The following MAGI1 variants were observed in gnomAD, a reference collection of about 807,000 sequenced individuals.
MAGI1 encodes the protein membrane-associated guanylate kinase, WW and PDZ domain-containing protein 1.
In MAGI1, 58 loss-of-function variants were observed where a neutral mutation model predicts 139.9. That is an observed-to-expected ratio of 0.41 (90% CI 0.34 to 0.52). MAGI1 has a LOEUF of 0.52. Among genes scored for constraint, MAGI1 ranks in the 20% least tolerant of loss-of-function variants. The pLI is 0.12. For missense variants in MAGI1, 1,874 were observed against 1,901.6 expected, an observed-to-expected ratio of 0.99 and a Z score of 0.27; for synonymous variants, 812 against 737.9, an observed-to-expected ratio of 1.10 and a Z score of -1.63.
At chr3:65,838,890 T>A (rs1575661085) in intron 1 of MAGI1, among the ~76,000 whole-genome samples, 1 of 152,362 alleles carries the variant, frequency 6.6e-6, no homozygotes, top group East Asian at 1.9e-4. Flanking sequence ...CAGGATTTGG[T>A]GTTGCCACTA....
At chr3:65,850,368 T>C (rs750634797) in intron 1 of MAGI1, among the ~76,000 whole-genome samples, 1 of 152,174 alleles carries the variant, frequency 6.6e-6, no homozygotes, top group Non-Finnish European at 1.5e-5. Context: ...CGGCGCTTTC[T>C]GGGTTTTAAA....
At chr3:65,432,352 C>G (rs1411016724) in intron 10 of MAGI1, among the ~76,000 whole-genome samples, 1 of 152,130 alleles carries the variant, frequency 6.6e-6, no homozygotes, top group Non-Finnish European at 1.5e-5. Context: ...AAGAGGGAGA[C>G]ATTAGTCCCC....
intron 1 of MAGI1, among the ~76,000 whole-genome samples, chr3:66,002,652 T>C (rs2107453183): frequency 6.6e-6 from 1 of 152,158 alleles, no homozygotes; most frequent in East Asian, 1.9e-4. Context: ...GTAGCTGGGA[T>C]CACAGGCACC....
intron 1 of MAGI1, among the ~76,000 whole-genome samples, chr3:65,937,696 T>A (rs948662007): frequency 2.6e-5 from 4 of 152,012 alleles, no homozygotes; most frequent in Non-Finnish European, 5.9e-5. Context: ...TTTTGGGGTT[T>A]TTTTAGTTAC....
chr3:65,435,539 T>C (rs1947787481), intron 10 of MAGI1, among the ~76,000 whole-genome samples: 2 of 152,020 alleles, frequency 1.3e-5, no homozygotes, highest in African/African-American at 4.8e-5. Context: ...AATAATAATG[T>C]CATCAGAAAA....
At chr3:65,845,686 A>T (rs896419094) in intron 1 of MAGI1, among the ~76,000 whole-genome samples, 1 of 152,226 alleles carries the variant, frequency 6.6e-6, no homozygotes, top group African/African-American at 2.4e-5. Context: ...GCCAGACTGA[A>T]GAACTTGATG....
At chr3:65,864,866 T>C (rs2059668618) in intron 1 of MAGI1, among the ~76,000 whole-genome samples, 1 of 152,206 alleles carries the variant, frequency 6.6e-6, no homozygotes, top group East Asian at 1.9e-4. Flanking sequence ...GGAAAATCAA[T>C]ATTTTTAAAG....
intron 1 of MAGI1, among the ~76,000 whole-genome samples, chr3:65,812,468 T>TCACACACACACACACACA (rs1553711393): frequency 1.8e-4 from 16 of 89,146 alleles, no homozygotes; most frequent in African/African-American, 4.5e-4. Context: ...TCTCTCTCTC[T>TCACACACACACACACACA]CACACACACA....
intron 1 of MAGI1, among the ~76,000 whole-genome samples, chr3:65,657,662 A>AT (rs1559760519): frequency 2.0e-5 from 3 of 152,070 alleles, no homozygotes; most frequent in Middle Eastern, 3.4e-3. Flanking sequence ...TTTAAAAGAA[A>AT]TTTTTTTTGT....
intron 1 of MAGI1, among the ~76,000 whole-genome samples, chr3:65,999,520 G>C (rs927545295): frequency 6.6e-6 from 1 of 152,104 alleles, no homozygotes; most frequent in Non-Finnish European, 1.5e-5. Context: ...AGAGTCTTCA[G>C]GCCTTATGGC....
At chr3:65,785,747 T>A (rs929457971) in intron 1 of MAGI1, among the ~76,000 whole-genome samples, 1 of 152,152 alleles carries the variant, frequency 6.6e-6, no homozygotes, top group Non-Finnish European at 1.5e-5. Context: ...TTCTTAAATT[T>A]CAGAAAAAAT....
At chr3:65,731,725 A>T (rs2034218345) in intron 1 of MAGI1, among the ~76,000 whole-genome samples, 1 of 151,916 alleles carries the variant, frequency 6.6e-6, no homozygotes. Flanking sequence ...AGGCATTTTT[A>T]GTGCTTTAAA....
chr3:65,803,813 C>T (rs72894137), intron 1 of MAGI1, among the ~76,000 whole-genome samples: 11,930 of 152,096 alleles, frequency 0.078, 786 homozygotes, highest in African/African-American at 0.18. Flanking sequence ...GTGCTGGAGG[C>T]CATTATGCTT....
At chr3:65,378,231 C>T (rs974476066) in intron 17 of MAGI1, among the ~76,000 whole-genome samples, 1 of 152,130 alleles carries the variant, frequency 6.6e-6, no homozygotes, top group African/African-American at 2.4e-5. Flanking sequence ...TTGGTCTTTG[C>T]TAGTGTACCC....
intron 1 of MAGI1, among the ~76,000 whole-genome samples, chr3:66,005,711 A>G (rs58592817): frequency 0.18 from 27,957 of 152,130 alleles, 3,862 homozygotes; most frequent in African/African-American, 0.38. Flanking sequence ...CAAGGAAAGA[A>G]GATGACACAA....
At chr3:65,727,580 T>C (rs2033755054) in intron 1 of MAGI1, among the ~76,000 whole-genome samples, 1 of 152,192 alleles carries the variant, frequency 6.6e-6, no homozygotes, top group Non-Finnish European at 1.5e-5. Context: ...TATTTTATGA[T>C]AAACTGAATG....
chr3:65,550,636 A>T (rs147633006), intron 2 of MAGI1, among the ~76,000 whole-genome samples: 328 of 152,276 alleles, frequency 2.2e-3, no homozygotes, highest in African/African-American at 7.5e-3. Flanking sequence ...GGCCCCCAGC[A>T]TGCTCACATC....
At chr3:65,654,304 A>T (rs1177105415) in intron 1 of MAGI1, among the ~76,000 whole-genome samples, 1 of 152,140 alleles carries the variant, frequency 6.6e-6, no homozygotes, top group African/African-American at 2.4e-5. Flanking sequence ...CCCCAAAATC[A>T]ATCATCTCTA....
chr3:65,792,516 A>G (rs1295623350), intron 1 of MAGI1, among the ~76,000 whole-genome samples: 1 of 152,174 alleles, frequency 6.6e-6, no homozygotes, highest in Non-Finnish European at 1.5e-5. Context: ...GTTTTTTATT[A>G]AAACTAATAG....
Sources: gnomAD v4.1 joint callset for allele counts (sites outside exome capture counted in the v4.1 genomes callset) on GRCh38, gnomAD v4.1.1 for gene constraint, MANE v1.5 for transcripts, NCBI Gene and HGNC (gene_info 2026-07-23, HGNC 2026-07-21) for gene names.